TRPM3: variants seen among roughly 807,000 people sequenced by gnomAD.
TRPM3 encodes the protein transient receptor potential cation channel subfamily M member 3, also known as long transient receptor potential channel 3.
Under a neutral mutation model 181.2 loss-of-function variants are expected in TRPM3, and 77 were observed. The ratio of observed to expected loss-of-function variants is 0.42; its 90% CI spans 0.35 to 0.51. TRPM3 has a LOEUF of 0.51. TRPM3 is among the 20% of genes least tolerant of loss of function. TRPM3 has a pLI of 0.01. For missense variants in TRPM3, 1,759 were observed against 2,196.7 expected (o/e 0.80, Z 3.98); for synonymous variants, 745 against 796.4 (o/e 0.94, Z 1.09).
At chr9:71,009,088 G>A (rs1590591892) in intron 1 of TRPM3, among the ~76,000 whole-genome samples, 1 of 152,186 alleles carries the variant, frequency 6.6e-6, no homozygotes, top group African/African-American at 2.4e-5. Flanking sequence ...ACACAATAAA[G>A]GCCATATATA....
intron 1 of TRPM3, among the ~76,000 whole-genome samples, chr9:71,094,791 A>C (rs1323664374): frequency 6.6e-6 from 1 of 152,176 alleles, no homozygotes; most frequent in Non-Finnish European, 1.5e-5. Context: ...GGTACTAAAA[A>C]TCAAACTGTG....
chr9:70,580,623 T>C (rs936159346), intron 22 of TRPM3, among the ~76,000 whole-genome samples: 2 of 152,216 alleles, frequency 1.3e-5, no homozygotes, highest in Non-Finnish European at 2.9e-5. Flanking sequence ...GGCCCCCATA[T>C]GCCCACACCA....
intron 1 of TRPM3, among the ~76,000 whole-genome samples, chr9:70,940,781 GAGA>G (rs2096878552): frequency 2.0e-5 from 3 of 152,074 alleles, no homozygotes; most frequent in African/African-American, 7.2e-5. Flanking sequence ...TGGAGGGAAG[GAGA>G]AGGTTTTATG....
chr9:70,625,296 A>G lies in TRPM3; in HGVS notation c.1704T>C (p.Ile568=), dbSNP rs748426349. The G allele has an allele frequency of 6.2e-7, 1 of 1,614,194 alleles. No individual in the cohort carries two copies. The highest frequency in any genetic ancestry group is 1.7e-5 in the Admixed American group (1 of 60,024). Residue 568 remains isoleucine (I), a synonymous_variant, in exon 14 of 26, where the codon ATT becomes ATC. Coordinates refer to ENST00000677713, the MANE Select transcript of TRPM3 (RefSeq NM_001366145.2). The surrounding 1 kb of genome is among the most constrained non-coding windows in gnomAD (Gnocchi z 4.8). ...NLPPDYRISL[I]DIGLVIEYLM... is the part of the protein sequence containing the mutation. ...GGTACTCGATCACCAGGCCGATGTC[A>G]ATCAGGCTGATTCTGTAGTCTGGGG...
At chr9:70,540,642 G>A (rs937297774) in intron 25 of TRPM3, among the ~76,000 whole-genome samples, 3 of 152,246 alleles carry the variant, frequency 2.0e-5, no homozygotes, top group Non-Finnish European at 4.4e-5. Context: ...TGAGAGTGCA[G>A]TGAGCTATGA....
At chr9:71,123,376 C>T (rs576438568), upstream of TRPM3, among the ~76,000 whole-genome samples, 89 of 152,270 alleles carry the variant, frequency 5.8e-4, no homozygotes, top group Non-Finnish European at 1.1e-3. Context: ...GGGAGATTTA[C>T]GTACCTTCTT....
chr9:70,978,627 G>C (rs948868468), intron 1 of TRPM3, among the ~76,000 whole-genome samples: 3 of 152,166 alleles, frequency 2.0e-5, no homozygotes, highest in African/African-American at 7.2e-5. Context: ...GCCTCCATGA[G>C]GAAATGTACT....
At chr9:71,327,571 G>A (rs574963229) in intron 1 of TRPM3, among the ~76,000 whole-genome samples, 188 of 152,158 alleles carry the variant, frequency 1.2e-3, no homozygotes, top group Non-Finnish European at 2.0e-3. Flanking sequence ...TACAAATCAC[G>A]TAATGGTTTT....
At chr9:71,409,772 C>A (rs985016929) in intron 1 of TRPM3, among the ~76,000 whole-genome samples, 20 of 152,176 alleles carry the variant, frequency 1.3e-4, no homozygotes, top group Admixed American at 3.9e-4. Flanking sequence ...GAGACATCTA[C>A]AAAACTCTCC....
intron 1 of TRPM3, among the ~76,000 whole-genome samples, chr9:71,420,669 AAGAG>A (rs1327959485): frequency 4.8e-5 from 6 of 126,154 alleles, no homozygotes; most frequent in Non-Finnish European, 1.0e-4. Flanking sequence ...AAGAGAAAGA[AAGAG>A]AGAAAGAAAG....
intron 9 of TRPM3, among the ~76,000 whole-genome samples, chr9:70,665,360 T>C (rs1370460079): frequency 6.6e-6 from 1 of 152,140 alleles, no homozygotes; most frequent in Non-Finnish European, 1.5e-5. Flanking sequence ...AATATGTCTG[T>C]CTCCTTGGTG....
Position 71,234,557 on chromosome 9 carries a change from CCT to C in TRPM3, c.183+212094_183+212095del, listed in dbSNP as rs534097843. 4.4e-3 allele frequency among the ~76,000 whole-genome samples: 669 copies of C among 152,230 alleles called. 6 individuals are homozygous for C. The highest frequency in any genetic ancestry group is 5.6e-3 in the Non-Finnish European group (381 of 68,010). On this transcript the variant is annotated intron_variant, in intron 1 of 24. Coordinates refer to the TRPM3 transcript ENST00000357533. ...TTGGCAGCATTGGTTGCTTCTGAAG[CCT>C]CTCTCCTTGACTTGTAAATGGTCTT...
chr9:71,264,953 GGT>G (rs2083288578), intron 1 of TRPM3, among the ~76,000 whole-genome samples: 1 of 152,010 alleles, frequency 6.6e-6, no homozygotes, highest in African/African-American at 2.4e-5. Context: ...GTGGTGCGTG[GGT>G]GTGTCATTTC....
chr9:70,682,330 AC>A (rs1477974115), intron 8 of TRPM3, among the ~76,000 whole-genome samples: 1 of 152,150 alleles, frequency 6.6e-6, no homozygotes, highest in Non-Finnish European at 1.5e-5. Context: ...TCAAAACATC[AC>A]TAATGCAAAC....
At chr9:71,033,033 T>C (rs2057729793) in intron 1 of TRPM3, among the ~76,000 whole-genome samples, 1 of 152,232 alleles carries the variant, frequency 6.6e-6, no homozygotes. Flanking sequence ...TCTGACTCTT[T>C]TGGCACCTAT....
intron 1 of TRPM3, among the ~76,000 whole-genome samples, chr9:71,169,292 C>T (rs1301093515): frequency 6.6e-6 from 1 of 152,158 alleles, no homozygotes; most frequent in Non-Finnish European, 1.5e-5. Flanking sequence ...CCTCAGGCCT[C>T]CAGTCTGCAA....
At chr9:71,187,186 T>C (rs2077728860) in intron 1 of TRPM3, among the ~76,000 whole-genome samples, 1 of 152,054 alleles carries the variant, frequency 6.6e-6, no homozygotes, top group African/African-American at 2.4e-5. Context: ...CAAGTTAAAC[T>C]TCAGTTCATT....
At chr9:71,257,488 A>G (rs1042767079) in intron 1 of TRPM3, among the ~76,000 whole-genome samples, 23 of 152,324 alleles carry the variant, frequency 1.5e-4, no homozygotes, top group African/African-American at 4.6e-4. Flanking sequence ...CATGTACCCA[A>G]TGACTGGTCA....
chr9:70,593,261 TG>T (rs1369390257), intron 21 of TRPM3, among the ~76,000 whole-genome samples: 1 of 152,240 alleles, frequency 6.6e-6, no homozygotes, highest in African/African-American at 2.4e-5. Context: ...TATAGTTTAG[TG>T]GTCTCAGAAC....
Sources: gnomAD v4.1 joint callset for allele counts (sites outside exome capture counted in the v4.1 genomes callset) on GRCh38, gnomAD v4.1.1 for gene constraint, Gnocchi (gnomAD v3.1) non-coding constraint, MANE v1.5 for transcripts, NCBI Gene and HGNC (gene_info 2026-07-23, HGNC 2026-07-21) for gene names.